The following CDK8 variants were observed in gnomAD, a reference collection of about 807,000 sequenced individuals.
CDK8 encodes cyclin dependent kinase 8, also known as cyclin-dependent kinase 8.
In CDK8, 29 loss-of-function variants were observed where a neutral mutation model predicts 71.5. The ratio of observed to expected loss-of-function variants is 0.41; its 90% CI spans 0.30 to 0.55. The LOEUF is 0.55. CDK8 is among the 20% of genes least tolerant of loss of function. The pLI, the probability that CDK8 is intolerant of heterozygous loss-of-function variation, is 0.37. For missense variants in CDK8, 288 were observed against 572.6 expected (o/e 0.50, Z 5.07); for synonymous variants, 161 against 192.1 (o/e 0.84, Z 1.34).
Position 26,379,317 on chromosome 13 carries a change from G to A in CDK8, c.457-3497G>A, listed in dbSNP as rs563409744. Among the ~76,000 whole-genome samples the A allele has an allele frequency of 4.6e-5, 7 of 152,176 alleles. No individual in the cohort carries two copies. In the East Asian group the frequency reaches 7.7e-4, roughly 17 times the overall value. On this transcript the variant is annotated intron_variant, in intron 4 of 12. Transcript: ENST00000381527. ...GAATCTGCTTCAGATGGTGCAGTAG[G>A]CAGTGAGTTACCTAGCAAAGTAATT...
intron 1 of CDK8, among the ~76,000 whole-genome samples, chr13:26,319,117 C>G (rs1019142282): frequency 6.6e-6 from 1 of 152,060 alleles, no homozygotes; most frequent in Non-Finnish European, 1.5e-5. Flanking sequence ...TTTCCGTACA[C>G]TAATAGAAAA....
intron 9 of CDK8, chr13:26,399,993 A>C (rs976821724): frequency 6.5e-5 from 13 of 198,512 alleles, no homozygotes; most frequent in Non-Finnish European, 1.0e-5. Context: ...CACTAGCCAC[A>C]TTTGGCTCTT....
At chr13:26,308,991 G>T (rs926636983) in intron 1 of CDK8, among the ~76,000 whole-genome samples, 3 of 151,910 alleles carry the variant, frequency 2.0e-5, no homozygotes, top group Admixed American at 2.0e-4. Flanking sequence ...TATAAAGTGG[G>T]GACAAATAAA....
chr13:26,359,626 G>C (rs1276466498), intron 4 of CDK8: 5 of 263,228 alleles, frequency 1.9e-5, no homozygotes, highest in African/African-American at 1.2e-4. Context: ...AAGGGCATGA[G>C]CGGTTTTTCA....
chr13:26,338,721 T>C (rs1223083924), intron 2 of CDK8, among the ~76,000 whole-genome samples: 2 of 152,158 alleles, frequency 1.3e-5, no homozygotes, highest in Non-Finnish European at 2.9e-5. Context: ...ATGTTAACTG[T>C]CAGTTATTCA....
chr13:26,348,110 G>A (rs985181765), intron 2 of CDK8, among the ~76,000 whole-genome samples: 5 of 151,828 alleles, frequency 3.3e-5, no homozygotes, highest in Non-Finnish European at 7.4e-5. Context: ...ATATAGATAT[G>A]CATAGAGTGG....
intron 7 of CDK8, among the ~76,000 whole-genome samples, chr13:26,394,333 C>G (rs1181517984): frequency 6.6e-6 from 1 of 152,158 alleles, no homozygotes; most frequent in Non-Finnish European, 1.5e-5. Flanking sequence ...TGTTAATTAT[C>G]AGTAAATGCA....
intron 1 of CDK8, among the ~76,000 whole-genome samples, chr13:26,259,526 G>A (rs1871677551): frequency 6.6e-6 from 1 of 152,134 alleles, no homozygotes; most frequent in African/African-American, 2.4e-5. Context: ...GTGGATTTTG[G>A]GGGACGGTCC....
At chr13:26,341,528 A>T (rs1873239856) in intron 2 of CDK8, among the ~76,000 whole-genome samples, 1 of 152,210 alleles carries the variant, frequency 6.6e-6, no homozygotes, top group Non-Finnish European at 1.5e-5. Context: ...TTATTTTTTT[A>T]CAGTGATTTC....
chr13:26,323,479 C>T (rs1874886379), intron 1 of CDK8, among the ~76,000 whole-genome samples: 1 of 152,074 alleles, frequency 6.6e-6, no homozygotes, highest in Non-Finnish European at 1.5e-5. Flanking sequence ...TCCCCAAGGC[C>T]CATATCCAAA....
intron 4 of CDK8, among the ~76,000 whole-genome samples, chr13:26,363,962 C>T (rs991806451): frequency 2.0e-5 from 3 of 152,086 alleles, no homozygotes; most frequent in Non-Finnish European, 4.4e-5. Flanking sequence ...GAAAAAACAC[C>T]TAATGTGTTT....
At chr13:26,284,647 A>T (rs939386350) in intron 1 of CDK8, among the ~76,000 whole-genome samples, 1 of 152,176 alleles carries the variant, frequency 6.6e-6, no homozygotes, top group African/African-American at 2.4e-5. Context: ...AACAAAAAAA[A>T]TTCCAGGACT....
At chr13:26,394,348 A>G (rs1201182592) in intron 7 of CDK8, among the ~76,000 whole-genome samples, 1 of 152,238 alleles carries the variant, frequency 6.6e-6, no homozygotes, top group African/African-American at 2.4e-5. Context: ...AATGCAGAAT[A>G]ACTACACAGA....
At chr13:26,397,906 T>C (rs1876070769) in intron 9 of CDK8, among the ~76,000 whole-genome samples, 1 of 152,186 alleles carries the variant, frequency 6.6e-6, no homozygotes, top group Admixed American at 6.5e-5. Flanking sequence ...TTATAACACA[T>C]AGAAGGGGAG....
intron 1 of CDK8, among the ~76,000 whole-genome samples, chr13:26,317,809 G>T (rs1487604463): frequency 6.6e-6 from 1 of 152,064 alleles, no homozygotes; most frequent in Non-Finnish European, 1.5e-5. Context: ...TAAGGGGGAA[G>T]TTTATAGCTA....
At chr13:26,372,823 C>G (rs116539714) in intron 4 of CDK8, among the ~76,000 whole-genome samples, 1 of 152,160 alleles carries the variant, frequency 6.6e-6, no homozygotes, top group Non-Finnish European at 1.5e-5. Context: ...ATTCATGTTG[C>G]TGTTGTCAAA....
At chr13:26,284,652 A>G (rs750768471) in intron 1 of CDK8, among the ~76,000 whole-genome samples, 1 of 152,144 alleles carries the variant, frequency 6.6e-6, no homozygotes, top group Non-Finnish European at 1.5e-5. Context: ...AAAAAATTCC[A>G]GGACTGGATG....
At position 26,359,825 on chromosome 13, in the gene CDK8, C is replaced by T. The variant is rs767739406; in HGVS notation, c.456+5945C>T. The T allele has an allele frequency of 2.5e-4, 67 of 267,988 alleles. 1 individual carries two copies. The highest frequency in any genetic ancestry group is 4.7e-4 in the Non-Finnish European group (61 of 128,978). The allele number at this position is 267,988 out of a possible 1,614,324, so 16.6% of individuals were successfully genotyped here. On this transcript the variant is annotated intron_variant, in intron 4 of 12. Coordinates refer to ENST00000381527, the MANE Select transcript of CDK8 (RefSeq NM_001260.3). ...CTGCCTCCCAGGTTCAAGTGATTCTCCTGCCTTAGCCTCCCAAGTAGCTGG... is the reference window on the plus strand; with the variant it reads ...CTGCCTCCCAGGTTCAAGTGATTCTTCTGCCTTAGCCTCCCAAGTAGCTGG...
chr13:26,279,967 T>TTGTGTGTGTGTGTGTG (rs148491122), intron 1 of CDK8, among the ~76,000 whole-genome samples: 2 of 149,454 alleles, frequency 1.3e-5, no homozygotes, highest in African/African-American at 4.9e-5. Flanking sequence ...CAGAAGAAAA[T>TTGTGTGTGTGTGTGTG]TGTGTGTGTG....
Sources: allele counts gnomAD v4.1 joint callset (sites outside exome capture counted in the v4.1 genomes callset), GRCh38; gene constraint gnomAD v4.1.1; transcripts MANE v1.5; gene names NCBI Gene and HGNC (gene_info 2026-07-23, HGNC 2026-07-21).